Variants in ZNF695 observed in about 807,000 individuals in gnomAD.
The protein encoded by ZNF695 is zinc finger protein SBZF3.
Under a neutral mutation model 11.2 loss-of-function variants are expected in ZNF695, and 11 were observed. That is an observed-to-expected ratio of 0.98 (90% confidence interval 0.62 to 1.62). The LOEUF is 1.62. ZNF695 is among the 40% of genes most tolerant of loss of function. The pLI, the probability that ZNF695 is intolerant of heterozygous loss-of-function variation, is 0.00. For missense variants in ZNF695, 559 were observed against 590.5 expected (o/e 0.95, Z 0.55); for synonymous variants, 190 against 201.4 (o/e 0.94, Z 0.48).
intron 4 of ZNF695, among the ~76,000 whole-genome samples, chr1:246,971,613 T>C (rs1668428371): frequency 6.6e-6 from 1 of 152,204 alleles, no homozygotes; most frequent in Non-Finnish European, 1.5e-5. Flanking sequence ...CGCTTCTCAC[T>C]GTGTCCCTTC....
chr1:247,007,517 AG>A (rs1669575953), intron 1 of ZNF695, among the ~76,000 whole-genome samples: 2 of 136,116 alleles, frequency 1.5e-5, no homozygotes, highest in Non-Finnish European at 3.2e-5. Flanking sequence ...AAAAAAAAAG[AG>A]GAGAAAGGAA....
At chr1:246,973,740 G>A (rs1340367690) in intron 4 of ZNF695, among the ~76,000 whole-genome samples, 4 of 152,150 alleles carry the variant, frequency 2.6e-5, no homozygotes, top group Non-Finnish European at 5.9e-5. Context: ...TGAGAAAAGC[G>A]AAGATCAGAG....
At chr1:246,984,890 G>A (rs760701282), downstream of ZNF695, among the ~76,000 whole-genome samples, 15 of 152,054 alleles carry the variant, frequency 9.9e-5, no homozygotes, top group Non-Finnish European at 1.6e-4. Flanking sequence ...ATGAATTTTG[G>A]AACAAGAAAA....
At chr1:246,975,167 T>C (rs1369113923) in intron 4 of ZNF695, among the ~76,000 whole-genome samples, 1 of 152,222 alleles carries the variant, frequency 6.6e-6, no homozygotes. Context: ...TTACATATAT[T>C]GTCATTCACC....
At chr1:246,981,613 A>G (rs1668713419), downstream of ZNF695, among the ~76,000 whole-genome samples, 1 of 152,338 alleles carries the variant, frequency 6.6e-6, no homozygotes, top group African/African-American at 2.4e-5. Flanking sequence ...CAGTGTGCTC[A>G]GGGCCTAGCA....
At chr1:246,991,230 G>C (rs938384890) in intron 3 of ZNF695, among the ~76,000 whole-genome samples, 1 of 151,834 alleles carries the variant, frequency 6.6e-6, no homozygotes, top group Admixed American at 6.6e-5. Context: ...AAAATTTCTG[G>C]AGCAATACCG....
chr1:246,996,993 T>C (rs1217267597), intron 3 of ZNF695, among the ~76,000 whole-genome samples: 1 of 152,178 alleles, frequency 6.6e-6, no homozygotes, highest in African/African-American at 2.4e-5. Context: ...ACAATGTGAT[T>C]GTTGCATTAT....
chr1:246,963,295 G>C (rs899276354), intron 5 of ZNF695, among the ~76,000 whole-genome samples: 1 of 152,160 alleles, frequency 6.6e-6, no homozygotes, highest in Non-Finnish European at 1.5e-5. Flanking sequence ...GAATCAAACA[G>C]ACAAAACTGG....
chr1:246,967,792 G>C (rs1668326428), exon 5 of ZNF695: 1 of 349,758 alleles, frequency 2.9e-6, no homozygotes, highest in Admixed American at 3.7e-5. Context: ...TCTTCACATG[G>C]CTGGCAGGAG....
At position 247,007,987 on chromosome 1, in the gene ZNF695, G is replaced by A. The variant is rs1290125080; in HGVS notation, c.-79C>T. 2.2e-5 allele frequency: 31 copies of A among 1,411,546 alleles called. No individual in the cohort carries two copies. The highest frequency in any genetic ancestry group is 2.8e-5 in the Non-Finnish European group (30 of 1,068,094). 87.4% of individuals were successfully genotyped at this position (1,411,546 alleles called of 1,614,324 possible). ...AGGCCACAGGGCGATGGAGCCTGCGGCAGTCACCCGGGACTCTCCGAGAGG... is the reference window on the plus strand; with the variant it reads ...AGGCCACAGGGCGATGGAGCCTGCGACAGTCACCCGGGACTCTCCGAGAGG... On this transcript the variant is annotated 5_prime_UTR_variant, in exon 1 of 4. Coordinates refer to ENST00000339986, the MANE Select transcript of ZNF695 (RefSeq NM_020394.5).
At chr1:246,978,601 T>G (rs1041422553) in intron 4 of ZNF695, among the ~76,000 whole-genome samples, 3 of 152,216 alleles carry the variant, frequency 2.0e-5, no homozygotes, top group Non-Finnish European at 4.4e-5. Context: ...TTTTTGTTCA[T>G]ACATTTTTGG....
Position 246,987,039 on chromosome 1 carries a change from G to A in ZNF695, c.1476C>T (p.Tyr492=), listed in dbSNP as rs772723634. The A allele has an allele frequency of 1.9e-6, 3 of 1,613,714 alleles. No homozygotes were observed. The highest frequency in any genetic ancestry group is 3.3e-5 in the Admixed American group (2 of 59,934). ...HKTIHTREKP[Y]KCEECGKAFN... Reference sequence around the variant, plus strand: ...AGGCTTTGCCACATTCCTCACACTTGTATGGTTTCTCTCTGGTATGAATTG... The same window carrying A: ...AGGCTTTGCCACATTCCTCACACTTATATGGTTTCTCTCTGGTATGAATTG... The change falls in exon 4 of 4, where the codon TAC becomes TAT. Residue 492 remains tyrosine, a synonymous_variant. Coordinates refer to ENST00000339986, the MANE Select transcript of ZNF695 (RefSeq NM_020394.5).
At chr1:247,001,441 G>A (rs560603290) in intron 1 of ZNF695, among the ~76,000 whole-genome samples, 2 of 151,584 alleles carry the variant, frequency 1.3e-5, no homozygotes, top group Non-Finnish European at 2.9e-5. Context: ...GCCGGGCGTG[G>A]TGGCTCACAG....
rs371815385 is a variant in ZNF695 at position 246,987,245 on chromosome 1, T to A, written c.1270A>T (p.Thr424Ser). 3.1e-6 allele frequency: 5 copies of A among 1,613,720 alleles called. No homozygotes were observed. Among genetic ancestry groups the A allele is most frequent in the Non-Finnish European group, 4.2e-6 (5 of 1,179,970 alleles). The change falls in exon 4 of 4, where the codon ACT (threonine) becomes TCT (serine). Residue 424 changes from threonine to serine, a missense_variant. By Grantham distance (58) the Thr-to-Ser change is moderately conservative. Coordinates refer to ENST00000339986, the MANE Select transcript of ZNF695 (RefSeq NM_020394.5). The stretch of plus-strand genomic sequence containing the variant: ...CCAGTATGAATTCTCTTATGTTGAG[T>A]AAGGTATGAAAACCAGGTAAAAGCT... ...GKAFTWFSYL[T>S]QHKRIHTGEK...
intron 4 of ZNF695, among the ~76,000 whole-genome samples, chr1:246,973,626 C>A (rs541847004): frequency 6.6e-6 from 1 of 152,156 alleles, no homozygotes; most frequent in African/African-American, 2.4e-5. Context: ...AAGGATGATA[C>A]TCTTCTATGT....
chr1:246,956,288 G>A (rs747555010), intron 5 of ZNF695, among the ~76,000 whole-genome samples: 9 of 150,408 alleles, frequency 6.0e-5, no homozygotes, highest in South Asian at 2.2e-4. Flanking sequence ...GTGCCCGGCC[G>A]ATTGGATCAT....
At chr1:247,004,425 A>T (rs1669479547) in intron 1 of ZNF695, among the ~76,000 whole-genome samples, 1 of 152,140 alleles carries the variant, frequency 6.6e-6, no homozygotes, top group South Asian at 2.1e-4. Flanking sequence ...CCCTCGAAAA[A>T]CTGAGTATAA....
At chr1:246,969,767 T>C (rs559571021) in intron 4 of ZNF695, 1 of 152,394 alleles carries the variant, frequency 6.6e-6, no homozygotes, top group South Asian at 2.1e-4. Context: ...CTTACAATCA[T>C]GGTGGAAAGC....
At chr1:246,976,127 T>C (rs1288208329) in intron 4 of ZNF695, among the ~76,000 whole-genome samples, 3 of 152,102 alleles carry the variant, frequency 2.0e-5, no homozygotes, top group African/African-American at 7.2e-5. Context: ...AAGAACTTTA[T>C]TGGTTTATAA....
Sources: allele counts gnomAD v4.1 joint callset (sites outside exome capture counted in the v4.1 genomes callset), GRCh38; gene constraint gnomAD v4.1.1; transcripts MANE v1.5; gene names NCBI Gene and HGNC (gene_info 2026-07-23, HGNC 2026-07-21).